YIPF1: variants seen among roughly 807,000 people sequenced by gnomAD.
YIPF1 encodes the protein protein YIPF1.
A neutral mutation model predicts 37.0 loss-of-function variants in YIPF1; 22 were observed. The ratio of observed to expected loss-of-function variants is 0.59; its 90% CI spans 0.42 to 0.85. YIPF1 has a LOEUF of 0.85. Among genes scored for constraint, YIPF1 ranks in the 40% least tolerant of loss-of-function variants. The probability of loss-of-function intolerance (pLI) is 0.00; values close to 1 mark genes in which losing one functional copy is unlikely to be tolerated. For missense variants in YIPF1, 355 were observed against 373.1 expected, an observed-to-expected ratio of 0.95 and a Z score of 0.40; for synonymous variants, 128 against 131.9, an observed-to-expected ratio of 0.97 and a Z score of 0.21.
chr1:53,868,392 G>C (rs1283267521), intron 7 of YIPF1, among the ~76,000 whole-genome samples: 2 of 152,158 alleles, frequency 1.3e-5, no homozygotes, highest in Non-Finnish European at 2.9e-5. Context: ...TAACCTTCCT[G>C]TCTCAGTTTC....
At position 53,860,084 on chromosome 1, in the gene YIPF1, C is replaced by G; in HGVS notation, c.901G>C (p.Ala301Pro). ...TTTATPNQTV[A>P]AAKSS is the part of the protein sequence containing the mutation. The stretch of plus-strand genomic sequence containing the variant: ...CCTCATTAGCTGGACTTGGCTGCAG[C>G]AACTGTTTGGTTTGGAGTAGCTGTA... Residue 301 changes from alanine to proline, a missense_variant, in exon 10 of 11, where the codon GCT (alanine) becomes CCT (proline). Coordinates refer to ENST00000072644, the MANE Select transcript of YIPF1 (RefSeq NM_018982.5). The G allele has an allele frequency of 6.2e-7, 1 of 1,614,070 alleles. No homozygotes were observed.
At chr1:53,873,740 TCC>T (rs1189843933) in intron 6 of YIPF1, among the ~76,000 whole-genome samples, 1 of 150,936 alleles carries the variant, frequency 6.6e-6, no homozygotes, top group African/African-American at 2.4e-5. Flanking sequence ...ACACCTATAA[TCC>T]CAGCACTTTG....
intron 10 of YIPF1, among the ~76,000 whole-genome samples, chr1:53,855,839 G>A (rs1161225692): frequency 6.6e-6 from 1 of 152,186 alleles, no homozygotes; most frequent in African/African-American, 2.4e-5. Flanking sequence ...GTAACTGGAA[G>A]CTCCCCTATG....
chr1:53,889,040 A>G, intron 2 of YIPF1, 54 bp from the exon 3 acceptor site: 1 of 963,194 alleles, frequency 1.0e-6, no homozygotes, highest in Non-Finnish European at 1.6e-6. Flanking sequence ...AGTATCTGCA[A>G]ACAACTCTTA....
intron 3 of YIPF1, among the ~76,000 whole-genome samples, chr1:53,886,036 G>C (rs926015207): frequency 6.6e-6 from 1 of 151,822 alleles, no homozygotes; most frequent in African/African-American, 2.4e-5. Flanking sequence ...GTTTACCAGG[G>C]GGAAGGAATG....
Position 53,888,947 on chromosome 1 carries a change from G to A in YIPF1, c.-10C>T, listed in dbSNP as rs1379125238. ...CATCTACTGCTGCCATTCGGCCAGTGAGTCTTCTCCCAATTATGAGGAAGA... is the reference window on the plus strand; with the variant it reads ...CATCTACTGCTGCCATTCGGCCAGTAAGTCTTCTCCCAATTATGAGGAAGA... On this transcript the variant is annotated 5_prime_UTR_variant, in exon 3 of 11. Coordinates refer to ENST00000072644, the MANE Select transcript of YIPF1 (RefSeq NM_018982.5). 3 of 1,597,758 alleles carry A rather than the reference G, an allele frequency of 1.9e-6. No homozygotes were observed. The highest frequency in any genetic ancestry group is 2.2e-5 in the East Asian group (1 of 44,524).
Position 53,877,049 on chromosome 1 carries a change from C to T in YIPF1, c.364+1266G>A, listed in dbSNP as rs80352980. Among the ~76,000 whole-genome samples the T allele has an allele frequency of 7.8e-3, 1,191 of 152,292 alleles. 10 individuals are homozygous for T. Among genetic ancestry groups the T allele is most frequent in the African/African-American group, 0.028 (1,149 of 41,560 alleles). ...CTTCTTCCTCATTGGGGCTAGGGAC[C>T]ATGGCCTTATCTTTAAATCCTCAGC... On this transcript the variant is annotated intron_variant, in intron 6 of 10. Coordinates refer to ENST00000072644, the MANE Select transcript of YIPF1 (RefSeq NM_018982.5).
intron 7 of YIPF1, 59 bp downstream of exon 7, chr1:53,871,312 TA>T (rs1243625067): frequency 6.7e-7 from 1 of 1,499,758 alleles, no homozygotes. Context: ...GCTCAGTGGG[TA>T]AAAAGAACTC....
At chr1:53,858,855 C>A (rs1336711596) in intron 10 of YIPF1, among the ~76,000 whole-genome samples, 2 of 152,166 alleles carry the variant, frequency 1.3e-5, no homozygotes, top group Admixed American at 1.3e-4. Context: ...AGGTTGGTCT[C>A]AAACTCTTGA....
intron 3 of YIPF1, among the ~76,000 whole-genome samples, chr1:53,885,243 A>G (rs956516484): frequency 6.6e-6 from 1 of 152,232 alleles, no homozygotes; most frequent in African/African-American, 2.4e-5. Context: ...GTACAGGGCA[A>G]TGACATTTAA....
intron 9 of YIPF1, among the ~76,000 whole-genome samples, chr1:53,861,678 A>AAGGGAGAGAGAG (rs1273822473): frequency 2.3e-5 from 3 of 128,514 alleles, no homozygotes; most frequent in African/African-American, 9.1e-5. Flanking sequence ...GGAAGGAAGG[A>AAGGGAGAGAGAG]AGGGAGAGAG....
At chr1:53,883,578 T>C (rs187511555) in intron 3 of YIPF1, among the ~76,000 whole-genome samples, 19 of 152,350 alleles carry the variant, frequency 1.2e-4, no homozygotes, top group Admixed American at 9.1e-4. Context: ...TGTTTTCATC[T>C]GTATCATGGG....
chr1:53,876,036 G>T (rs1250493077), intron 6 of YIPF1, among the ~76,000 whole-genome samples: 1 of 152,178 alleles, frequency 6.6e-6, no homozygotes, highest in Non-Finnish European at 1.5e-5. Flanking sequence ...AATAGCAAGA[G>T]CTCAATGTTT....
intron 3 of YIPF1, among the ~76,000 whole-genome samples, chr1:53,887,770 C>T (rs1480266217): frequency 1.3e-5 from 2 of 152,178 alleles, no homozygotes; most frequent in Non-Finnish European, 2.9e-5. Flanking sequence ...TTATCCCTTA[C>T]TAACTGCGTG....
Position 53,878,322 on chromosome 1 carries a change from A to C in YIPF1, c.357T>G (p.Asp119Glu), listed in dbSNP as rs1272625639. 3 of 1,613,990 alleles carry C rather than the reference A, an allele frequency of 1.9e-6. No individual in the cohort carries two copies. The highest frequency in any genetic ancestry group is 2.5e-6 in the Non-Finnish European group (3 of 1,179,936). The change falls in exon 6 of 11, where the codon GAT becomes GAG. Residue 119 changes from aspartate to glutamate, a missense_variant. Transcript: ENST00000072644. Reference protein sequence around the residue: ...FVRLYIRSNPDLYGPFWICAT... With the variant: ...FVRLYIRSNPELYGPFWICAT... ...AATCAGTACTAAACATACCATAGAG[A>C]TCTGGATTGCTGCGGATATATAACC... is the stretch of plus-strand genomic sequence containing the variant.
At chr1:53,866,949 C>T (rs1557604590) in intron 7 of YIPF1, 25 bp from the exon 8 acceptor site, 11 of 1,593,662 alleles carry the variant, frequency 6.9e-6, no homozygotes, top group Non-Finnish European at 9.4e-6. Context: ...ACACAAGTTT[C>T]AATCTCCATC....
rs553839283 is a variant in YIPF1, at chr1:53,878,353, A to G, written c.326T>C (p.Phe109Ser). The change falls in exon 6 of 11, where the codon TTT becomes TCT. Residue 109 changes from phenylalanine to serine, a missense_variant. Physicochemically the swap from Phe to Ser is radical, Grantham distance 155. Coordinates refer to ENST00000072644, the MANE Select transcript of YIPF1 (RefSeq NM_018982.5). Reference sequence around the variant, plus strand: ...ATTGCTGCGGATATATAACCTCACAAAGTTTTTCCCGGGTATTGGCAAAAG... The same window carrying G: ...ATTGCTGCGGATATATAACCTCACAGAGTTTTTCCCGGGTATTGGCAAAAG... ...GSLLPIPGKN[F>S]VRLYIRSNPD... 3 of 1,614,028 alleles carry G rather than the reference A, an allele frequency of 1.9e-6. No individual in the cohort carries two copies. The highest frequency in any genetic ancestry group is 2.5e-6 in the Non-Finnish European group (3 of 1,179,940).
In YIPF1 at chr1:53,852,577, G is replaced by A. The variant is rs139107557; in HGVS notation, c.*9-307C>T. On this transcript the variant is annotated intron_variant, in intron 10 of 10. Coordinates refer to ENST00000072644, the MANE Select transcript of YIPF1 (RefSeq NM_018982.5). Reference sequence around the variant, plus strand: ...CCATCCTTCTCTCTTTCTCTTCTCCGTGACAGCACTGTGTTAAGCACTAGA... The same window carrying A: ...CCATCCTTCTCTCTTTCTCTTCTCCATGACAGCACTGTGTTAAGCACTAGA... 1.3e-4 allele frequency among the ~76,000 whole-genome samples: 20 copies of A among 152,210 alleles called. No individual in the cohort carries two copies. The East Asian group carries it at 3.1e-3, about 24-fold the overall frequency.
chr1:53,876,451 C>T (rs1569638532), intron 6 of YIPF1, among the ~76,000 whole-genome samples: 1 of 152,224 alleles, frequency 6.6e-6, no homozygotes, highest in South Asian at 2.1e-4. Context: ...CCACCCACAA[C>T]AAAACCTAAT....
Sources: gnomAD v4.1 joint callset for allele counts (sites outside exome capture counted in the v4.1 genomes callset) on GRCh38, gnomAD v4.1.1 for gene constraint, MANE v1.5 for transcripts, NCBI Gene and HGNC (gene_info 2026-07-23, HGNC 2026-07-21) for gene names.